The following ENTPD1 variants were observed in gnomAD, a reference collection of about 807,000 sequenced individuals.
ENTPD1 encodes ectonucleoside triphosphate diphosphohydrolase 1.
ENTPD1 carries 33 observed loss-of-function variants against 57.0 expected under a neutral mutation model. The ratio of observed to expected loss-of-function variants is 0.58; its 90% CI spans 0.44 to 0.77. ENTPD1 has a LOEUF of 0.77. Ranked by LOEUF, ENTPD1 falls within the 30% of genes least tolerant of loss-of-function variation. The pLI, the probability that ENTPD1 is intolerant of heterozygous loss-of-function variation, is 0.00. For synonymous variants in ENTPD1, 202 were observed against 218.8 expected (o/e 0.92, Z 0.68); for missense variants, 501 against 603.4 (o/e 0.83, Z 1.78).
In ENTPD1 at chr10:95,756,290, GA is replaced by G. The variant is rs752666017; in HGVS notation, c.16+45del. 592 of 1,390,232 alleles carry G rather than the reference GA, an allele frequency of 4.3e-4. 2 individuals are homozygous for G. The African/African-American group carries it at 5.0e-3, about 12-fold the overall frequency. The allele number at this position is 1,390,232 out of a possible 1,614,324, so 86.1% of individuals were successfully genotyped here. On this transcript the variant is annotated intron_variant, in intron 1 of 9. Coordinates refer to ENST00000371205, the MANE Select transcript of ENTPD1 (RefSeq NM_001776.6). ...AAATTGATTTGATCTGAATCCTTAA[GA>G]AAAAAAAAATAGAAGGAAAAATAAA...
At chr10:95,717,337 GTTTTTTTTTTT>G (rs10609572) in intron 1 of ENTPD1, among the ~76,000 whole-genome samples, 2 of 125,954 alleles carry the variant, frequency 1.6e-5, no homozygotes, top group African/African-American at 5.8e-5. Context: ...GATCTGCAGG[GTTTTTTTTTTT>G]TTTTTTTTTT....
chr10:95,842,012 T>C (rs1361903077), intron 3 of ENTPD1, among the ~76,000 whole-genome samples: 1 of 152,254 alleles, frequency 6.6e-6, no homozygotes, highest in Non-Finnish European at 1.5e-5. Flanking sequence ...AATTACAGTG[T>C]TCTGGAGGAA....
intron 1 of ENTPD1, among the ~76,000 whole-genome samples, chr10:95,757,859 G>T (rs2098034873): frequency 6.6e-6 from 1 of 151,786 alleles, no homozygotes; most frequent in Non-Finnish European, 1.5e-5. Context: ...ACAAAAATTA[G>T]CTGGGTGTGG....
chr10:95,767,446 C>T (rs992614397), intron 1 of ENTPD1, among the ~76,000 whole-genome samples: 1 of 151,706 alleles, frequency 6.6e-6, no homozygotes, highest in Non-Finnish European at 1.5e-5. Context: ...TTTTGTGTCC[C>T]TGTGTCCTCC....
chr10:95,806,792 CCT>C (rs200054493), intron 1 of ENTPD1, among the ~76,000 whole-genome samples: 5,671 of 152,232 alleles, frequency 0.037, 127 homozygotes, highest in Non-Finnish European at 0.049. Context: ...CACTCCAGAC[CCT>C]GTTTGTCTGG....
chr10:95,856,671 T>TATATATATATATATATATATATAC (rs571622251), intron 7 of ENTPD1, among the ~76,000 whole-genome samples: 32 of 146,772 alleles, frequency 2.2e-4, no homozygotes, highest in Non-Finnish European at 4.0e-4. Flanking sequence ...TATATATATA[T>TATATATATATATATATATATATAC]ACACACACAT....
chr10:95,859,381 AC>A (rs2140965710), intron 7 of ENTPD1, among the ~76,000 whole-genome samples: 1 of 152,348 alleles, frequency 6.6e-6, no homozygotes, highest in African/African-American at 2.4e-5. Context: ...TTTGCTTTCT[AC>A]ATTCACTTCT....
At chr10:95,864,611 G>T in intron 8 of ENTPD1, 113 bp from the exon 9 acceptor site, 1 of 1,444,322 alleles carries the variant, frequency 6.9e-7, no homozygotes, top group Non-Finnish European at 9.7e-7. Flanking sequence ...CCAACCTTCA[G>T]GTGCACTGGA....
chr10:95,731,283 G>A (rs1399566105), intron 1 of ENTPD1, among the ~76,000 whole-genome samples: 8 of 152,096 alleles, frequency 5.3e-5, no homozygotes, highest in Non-Finnish European at 1.2e-4. Flanking sequence ...CTTCTGGTTA[G>A]GTTCAGCAGG....
chr10:95,719,369 A>T (rs1009521779), intron 1 of ENTPD1, among the ~76,000 whole-genome samples: 4 of 152,104 alleles, frequency 2.6e-5, no homozygotes, highest in Admixed American at 2.6e-4. Flanking sequence ...CTTCTTACTA[A>T]ATGGGTATTG....
At position 95,871,888 on chromosome 10, in the gene ENTPD1, A is replaced by G. The variant is rs535137310; in HGVS notation, c.*5505A>G. ...CATCACCTCTTCTAATGAAGTTCTAAGAAGAGAGGGAAGAAAAAGTCTTGG... is the reference window on the plus strand; with the variant it reads ...CATCACCTCTTCTAATGAAGTTCTAGGAAGAGAGGGAAGAAAAAGTCTTGG... On this transcript the variant is annotated 3_prime_UTR_variant, in exon 10 of 10. Transcript: ENST00000371205. 5 of 985,428 alleles carry G rather than the reference A, an allele frequency of 5.1e-6. No individual in the cohort carries two copies. The highest frequency in any genetic ancestry group is 6.0e-6 in the Non-Finnish European group (5 of 829,936). The allele number at this position is 985,428 out of a possible 1,614,324, so 61.0% of individuals were successfully genotyped here.
At chr10:95,771,828 G>A (rs751492910) in intron 1 of ENTPD1, among the ~76,000 whole-genome samples, 2 of 152,082 alleles carry the variant, frequency 1.3e-5, no homozygotes, top group Non-Finnish European at 2.9e-5. Context: ...TCATGTATCC[G>A]AAGGCTTCCT....
At chr10:95,852,238 G>T (rs1317160439) in intron 7 of ENTPD1, among the ~76,000 whole-genome samples, 2 of 152,196 alleles carry the variant, frequency 1.3e-5, no homozygotes, top group Non-Finnish European at 2.9e-5. Flanking sequence ...CTTTTGAGAA[G>T]TGTCTATTCA....
chr10:95,776,714 A>T (rs2098135519), intron 1 of ENTPD1, among the ~76,000 whole-genome samples: 1 of 152,214 alleles, frequency 6.6e-6, no homozygotes, highest in African/African-American at 2.4e-5. Flanking sequence ...CGTGGATAAC[A>T]TCCTGAAGAG....
chr10:95,806,677 A>C (rs2140388134), intron 1 of ENTPD1, among the ~76,000 whole-genome samples: 1 of 152,156 alleles, frequency 6.6e-6, no homozygotes, highest in African/African-American at 2.4e-5. Context: ...GTTCTGGTGT[A>C]GGTGTCCTTT....
chr10:95,771,883 C>T (rs1012140313), intron 1 of ENTPD1, among the ~76,000 whole-genome samples: 1 of 152,116 alleles, frequency 6.6e-6, no homozygotes, highest in Admixed American at 6.6e-5. Flanking sequence ...CATATATTTT[C>T]TCTCTAAAAT....
In ENTPD1 at chr10:95,872,954, T is replaced by C. The variant is rs1345607066; in HGVS notation, c.*6571T>C. 2.0e-6 allele frequency: 2 copies of C among 985,300 alleles called. No homozygotes were observed. The highest frequency in any genetic ancestry group is 1.7e-5 in the African/African-American group (1 of 57,214). 61.0% of individuals were successfully genotyped at this position (985,300 alleles called of 1,614,324 possible). ...ATGCAGCACTTCATTGTACACATTA[T>C]TAAAACAGAATTTTAAGGATTAGAA... is the stretch of plus-strand genomic sequence containing the variant. On this transcript the variant is annotated 3_prime_UTR_variant, in exon 10 of 10. Coordinates refer to ENST00000371205, the MANE Select transcript of ENTPD1 (RefSeq NM_001776.6).
chr10:95,873,261 T>C lies in ENTPD1; in HGVS notation c.*6878T>C. Reference sequence around the variant, plus strand: ...TCATCCACTACCTGACTACTGTCATTCACAGGCATTCTGTTCCACAGCAGG... The same window carrying C: ...TCATCCACTACCTGACTACTGTCATCCACAGGCATTCTGTTCCACAGCAGG... On this transcript the variant is annotated 3_prime_UTR_variant, in exon 10 of 10. Transcript: ENST00000371205. The C allele has an allele frequency of 3.0e-6, 3 of 985,376 alleles. No individual in the cohort carries two copies. Among genetic ancestry groups the C allele is most frequent in the Non-Finnish European group, 3.6e-6 (3 of 829,888 alleles). 61.0% of individuals were successfully genotyped at this position (985,376 alleles called of 1,614,324 possible).
intron 1 of ENTPD1, among the ~76,000 whole-genome samples, chr10:95,757,820 CA>C (rs1566110444): frequency 6.6e-6 from 1 of 151,654 alleles, no homozygotes; most frequent in Non-Finnish European, 1.5e-5. Flanking sequence ...GCCTGGCCAA[CA>C]TGATGAAACC....
Sources: gnomAD v4.1 joint callset for allele counts (sites outside exome capture counted in the v4.1 genomes callset) on GRCh38, gnomAD v4.1.1 for gene constraint, MANE v1.5 for transcripts, NCBI Gene and HGNC (gene_info 2026-07-23, HGNC 2026-07-21) for gene names.